The following SETD7 variants were observed in gnomAD, a reference collection of about 807,000 sequenced individuals.
The protein encoded by SETD7 is SET domain containing 7, histone lysine methyltransferase.
Under a neutral mutation model 41.8 loss-of-function variants are expected in SETD7, and 16 were observed. The ratio of observed to expected loss-of-function variants is 0.38; its 90% confidence interval spans 0.26 to 0.58. The LOEUF is 0.58. SETD7 is among the 20% of genes least tolerant of loss of function. The pLI is 0.64. For missense variants in SETD7, 346 were observed against 459.7 expected, an observed-to-expected ratio of 0.75 and a Z score of 2.26; for synonymous variants, 163 against 169.7, an observed-to-expected ratio of 0.96 and a Z score of 0.31.
rs140438258 is a variant in SETD7, at chr4:139,511,440, A to T, written c.*223T>A. 1 of 660,020 alleles carries T rather than the reference A, an allele frequency of 1.5e-6. No homozygotes were observed. The highest frequency in any genetic ancestry group is 3.3e-5 in the East Asian group (1 of 30,114). The allele number at this position is 660,020 out of a possible 1,614,324, so 40.9% of individuals were successfully genotyped here. Reference sequence around the variant, plus strand: ...CACGCTGTCTTATGTCAAATGCTCGACAATACCTCTCAGTAGGACGTTGTT... The same window carrying T: ...CACGCTGTCTTATGTCAAATGCTCGTCAATACCTCTCAGTAGGACGTTGTT... On this transcript the variant is annotated 3_prime_UTR_variant, in exon 8 of 8. Coordinates refer to ENST00000274031, the MANE Select transcript of SETD7 (RefSeq NM_030648.4).
Position 139,555,994 on chromosome 4 carries a change from G to A in SETD7, c.40+104C>T, listed in dbSNP as rs1182930387. 1 of 1,236,548 alleles carries A rather than the reference G, an allele frequency of 8.1e-7. No individual in the cohort carries two copies. The highest frequency in any genetic ancestry group is 1.1e-6 in the Non-Finnish European group (1 of 910,468). 76.6% of individuals were successfully genotyped at this position (1,236,548 alleles called of 1,614,324 possible). On this transcript the variant is annotated intron_variant, in intron 1 of 7. Transcript: ENST00000274031. The surrounding 1 kb of genome is among the most constrained non-coding windows in gnomAD (Gnocchi z 4.0). Reference sequence around the variant, plus strand: ...CAACCGGCCACCCGTGTAGGGGACAGTGGCGGCCGCGGGGCCCGGCGCCGC... The same window carrying A: ...CAACCGGCCACCCGTGTAGGGGACAATGGCGGCCGCGGGGCCCGGCGCCGC...
At chr4:139,496,291 C>T (rs1726453212) in exon 8 of SETD7, 2 of 669,988 alleles carry the variant, frequency 3.0e-6, no homozygotes, top group Non-Finnish European at 5.4e-6. Flanking sequence ...TGAGGGAAGC[C>T]TATGTTCTGA....
At chr4:139,498,113 C>G (rs1387383465) in intron 7 of SETD7, among the ~76,000 whole-genome samples, 5 of 152,330 alleles carry the variant, frequency 3.3e-5, no homozygotes, top group Middle Eastern at 3.4e-3. Context: ...AGATCAAAAA[C>G]TGCGGAGTTC....
intron 7 of SETD7, among the ~76,000 whole-genome samples, chr4:139,516,192 G>A (rs1042923226): frequency 6.6e-6 from 1 of 152,154 alleles, no homozygotes; most frequent in African/African-American, 2.4e-5. Context: ...TAGGCCGGGG[G>A]CGGTGGCTCA....
chr4:139,540,282 T>A (rs1211086904), intron 2 of SETD7, among the ~76,000 whole-genome samples: 3 of 152,216 alleles, frequency 2.0e-5, no homozygotes, highest in Non-Finnish European at 4.4e-5. Context: ...TCTGTCAATC[T>A]TCCAAGCTCT....
chr4:139,529,876 C>T (rs1318728623), intron 3 of SETD7, among the ~76,000 whole-genome samples: 2 of 152,194 alleles, frequency 1.3e-5, no homozygotes, highest in Non-Finnish European at 2.9e-5. Context: ...AAAAGATCAA[C>T]TAAATTTCAC....
chr4:139,511,507 C>A lies in SETD7; in HGVS notation c.*156G>T. ...TTAAATCTGGTATGAGTAATACAGT[C>A]AAACCTAGTTAGTATGCGAGAAAGT... is the stretch of plus-strand genomic sequence containing the variant. On this transcript the variant is annotated 3_prime_UTR_variant, in exon 8 of 8. Transcript: ENST00000274031. 1 of 1,403,586 alleles carries A rather than the reference C, an allele frequency of 7.1e-7. No homozygotes were observed. Among genetic ancestry groups the A allele is most frequent in the Non-Finnish European group, 9.7e-7 (1 of 1,030,512 alleles). The allele number at this position is 1,403,586 out of a possible 1,614,324, so 86.9% of individuals were successfully genotyped here.
At chr4:139,499,146 C>A (rs1224353380) in intron 7 of SETD7, among the ~76,000 whole-genome samples, 1 of 152,232 alleles carries the variant, frequency 6.6e-6, no homozygotes, top group Non-Finnish European at 1.5e-5. Flanking sequence ...GCTGCCTTTG[C>A]AAAATTATAG....
chr4:139,529,083 A>G lies in SETD7; in HGVS notation c.510T>C (p.Ala170=). The change falls in exon 4 of 8, where the codon GCT becomes GCC. Residue 170 remains alanine, a synonymous_variant. Coordinates refer to ENST00000274031, the MANE Select transcript of SETD7 (RefSeq NM_030648.4). ...IDGEMIEGKL[A]TLMSTEEGRP... is the part of the protein sequence containing the mutation. ...TCCCTTCTTCAGTGGACATAAGGGTAGCCAGTTTGCCTTCTATCATCTCTC... is the reference window on the plus strand; with the variant it reads ...TCCCTTCTTCAGTGGACATAAGGGTGGCCAGTTTGCCTTCTATCATCTCTC... The G allele has an allele frequency of 6.2e-7, 1 of 1,614,142 alleles. No individual in the cohort carries two copies. Among genetic ancestry groups the G allele is most frequent in the Non-Finnish European group, 8.5e-7 (1 of 1,180,008 alleles).
At position 139,510,472 on chromosome 4, in the gene SETD7, A is replaced by G. The variant is rs1166215972; in HGVS notation, c.*1191T>C. On this transcript the variant is annotated 3_prime_UTR_variant, in exon 8 of 8. Coordinates refer to ENST00000274031, the MANE Select transcript of SETD7 (RefSeq NM_030648.4). ...TGGCTGGCAAAATGGCTGAAATGCT[A>G]TTGATAGTGTTGCTTTTAAACTATA... 2 of 152,224 alleles carry G rather than the reference A, an allele frequency of 1.3e-5. No individual in the cohort carries two copies. The highest frequency in any genetic ancestry group is 2.9e-5 in the Non-Finnish European group (2 of 68,030). The allele number at this position is 152,224 out of a possible 1,614,324, so 9.4% of individuals were successfully genotyped here.
downstream of SETD7, among the ~76,000 whole-genome samples, chr4:139,503,179 GAAAAAAAAAA>G (rs11388022): frequency 2.7e-5 from 2 of 73,160 alleles, no homozygotes; most frequent in Non-Finnish European, 4.6e-5. Flanking sequence ...CTCTGTCTCA[GAAAAAAAAAA>G]AAAAAAAAAA....
At chr4:139,538,515 A>G (rs1425838537) in intron 2 of SETD7, among the ~76,000 whole-genome samples, 1 of 152,078 alleles carries the variant, frequency 6.6e-6, no homozygotes, top group Non-Finnish European at 1.5e-5. Context: ...TTTTTAGTAG[A>G]GATGCCTTTC....
chr4:139,541,417 G>A (rs976356021), intron 2 of SETD7, among the ~76,000 whole-genome samples: 7 of 152,228 alleles, frequency 4.6e-5, no homozygotes, highest in Middle Eastern at 3.4e-3. Flanking sequence ...AACACTACAC[G>A]TTTTCATCAC....
At chr4:139,526,547 G>C (rs1443816776) in intron 4 of SETD7, among the ~76,000 whole-genome samples, 1 of 151,120 alleles carries the variant, frequency 6.6e-6, no homozygotes, top group African/African-American at 2.4e-5. Context: ...GCCTCCCAAA[G>C]TGCTAGGATT....
intron 1 of SETD7, among the ~76,000 whole-genome samples, chr4:139,550,385 C>G (rs1579227164): frequency 6.6e-6 from 1 of 152,212 alleles, no homozygotes; most frequent in Non-Finnish European, 1.5e-5. Context: ...TATTCGACGA[C>G]AGCAGGAGCC....
At chr4:139,544,326 TAAAA>T (rs1727870117) in intron 2 of SETD7, among the ~76,000 whole-genome samples, 1 of 144,480 alleles carries the variant, frequency 6.9e-6, no homozygotes, top group South Asian at 2.1e-4. Context: ...TAAAATAAAA[TAAAA>T]TAAAAAGAAT....
chr4:139,543,476 C>T (rs1253039042), intron 2 of SETD7, among the ~76,000 whole-genome samples: 3 of 152,178 alleles, frequency 2.0e-5, no homozygotes, highest in African/African-American at 4.8e-5. Flanking sequence ...CTTTTGAGAT[C>T]CTGTCACCAC....
chr4:139,516,050 C>T (rs1706106642), intron 7 of SETD7, among the ~76,000 whole-genome samples: 1 of 152,146 alleles, frequency 6.6e-6, no homozygotes, highest in South Asian at 2.1e-4. Flanking sequence ...CATGTAAAAA[C>T]TACTAAAGTG....
At chr4:139,544,797 AGTGT>A (rs10581648) in intron 2 of SETD7, among the ~76,000 whole-genome samples, 5,323 of 144,902 alleles carry the variant, frequency 0.037, 237 homozygotes, top group African/African-American at 0.1. Context: ...CCAGATTTAA[AGTGT>A]GTGTGTGTGT....
Sources: allele counts gnomAD v4.1 joint callset (sites outside exome capture counted in the v4.1 genomes callset), GRCh38; gene constraint gnomAD v4.1.1; non-coding constraint Gnocchi (gnomAD v3.1); transcripts MANE v1.5; gene names NCBI Gene and HGNC (gene_info 2026-07-23, HGNC 2026-07-21).